DSCAM: variants seen among roughly 807,000 people sequenced by gnomAD.
The protein encoded by DSCAM is cell adhesion molecule DSCAM.
In DSCAM, 47 loss-of-function variants were observed where a neutral mutation model predicts 217.7. The ratio of observed to expected loss-of-function variants is 0.22; its 90% CI spans 0.17 to 0.28. The LOEUF (loss-of-function observed/expected upper bound fraction) is 0.28. DSCAM is among the 10% of genes least tolerant of loss of function. The pLI is 1.00. For synonymous variants in DSCAM, 1,056 were observed against 1,015.3 expected, an observed-to-expected ratio of 1.04 and a Z score of -0.76; for missense variants, 2,080 against 2,618.3, an observed-to-expected ratio of 0.79 and a Z score of 4.49.
intron 20 of DSCAM, among the ~76,000 whole-genome samples, chr21:40,118,885 G>C (rs2090002415): frequency 6.6e-6 from 1 of 152,154 alleles, no homozygotes; most frequent in Admixed American, 6.5e-5. Context: ...GGAACTTCTG[G>C]GTATGGGTTT....
At chr21:40,685,663 C>G (rs2090464874) in intron 3 of DSCAM, among the ~76,000 whole-genome samples, 2 of 152,210 alleles carry the variant, frequency 1.3e-5, no homozygotes, top group Non-Finnish European at 2.9e-5. Context: ...TGCTTTTGCT[C>G]CATAGCCTTC....
At chr21:40,201,639 C>G (rs2091070747) in intron 11 of DSCAM, among the ~76,000 whole-genome samples, 1 of 152,214 alleles carries the variant, frequency 6.6e-6, no homozygotes, top group Non-Finnish European at 1.5e-5. Flanking sequence ...CGGGGTTTCT[C>G]CATGTTGGTC....
At chr21:40,256,064 A>T (rs1230693439) in intron 11 of DSCAM, among the ~76,000 whole-genome samples, 3 of 152,252 alleles carry the variant, frequency 2.0e-5, no homozygotes, top group African/African-American at 7.2e-5. Context: ...TGGCAACTTG[A>T]GAAAACTAAT....
At position 40,080,178 on chromosome 21, in the gene DSCAM, A is replaced by T; in HGVS notation, c.4394T>A (p.Ile1465Asn). 1.3e-6 allele frequency: 2 copies of T among 1,579,650 alleles called. No individual in the cohort carries two copies. Among genetic ancestry groups the T allele is most frequent in the Non-Finnish European group, 1.7e-6 (2 of 1,164,322 alleles). ...TTTTCCTAAGGTCTTTGCTTCTATG[A>T]TTTCACTTATGCGCCCTGGGCCCAC... is the stretch of plus-strand genomic sequence containing the variant. The part of the protein sequence containing the change: ...NGVGPGRISE[I>N]IEAKTLGKEP... The change falls in exon 25 of 33, where the codon ATC (isoleucine) becomes AAC (asparagine). Residue 1465 changes from isoleucine to asparagine, a missense_variant. Ile to Asn is a moderately radical substitution (Grantham distance 149). Around this residue, in one of 5 missense-constraint regions of DSCAM, gnomAD observed 1,144 missense variants for 1,421.1 expected, o/e 0.81. Transcript: ENST00000400454.
At chr21:40,346,532 A>G (rs1480653451) in intron 6 of DSCAM, among the ~76,000 whole-genome samples, 1 of 152,206 alleles carries the variant, frequency 6.6e-6, no homozygotes, top group Admixed American at 6.5e-5. Flanking sequence ...TTTAAATTAT[A>G]TATGGACATA....
Position 40,042,376 on chromosome 21 carries a change from C to T in DSCAM, c.5681G>A (p.Arg1894Gln), listed in dbSNP as rs1453514770. ...VMNMAVPKAH[R>Q]PGDLIHLPPY... ...AGGTGGCCTTGCTCACCTACCTGGC[C>T]GATGTGCCTTTGGAACTGCCATATT... The change falls in exon 32 of 33, where the codon CGG (arginine) becomes CAG (glutamine). Residue 1894 changes from arginine to glutamine, a missense_variant. Coordinates refer to ENST00000400454, the MANE Select transcript of DSCAM (RefSeq NM_001389.5). 2.5e-6 allele frequency: 4 copies of T among 1,613,068 alleles called. No individual in the cohort carries two copies. The highest frequency in any genetic ancestry group is 1.3e-5 in the African/African-American group (1 of 74,998).
chr21:40,330,778 C>G (rs2074370221), intron 8 of DSCAM, among the ~76,000 whole-genome samples: 1 of 152,214 alleles, frequency 6.6e-6, no homozygotes, highest in East Asian at 1.9e-4. Flanking sequence ...AAAGTTCCCA[C>G]TTCATTAGCT....
rs1030699959 is a variant in DSCAM at position 40,359,608 on chromosome 21, T to C, written c.656-5865A>G. 3.9e-5 allele frequency among the ~76,000 whole-genome samples: 6 copies of C among 152,330 alleles called. No individual in the cohort carries two copies. In the East Asian group the frequency reaches 1.2e-3, roughly 29 times the overall value. ...TTAGTGAATTGATAACCAAATGCAG[T>C]ATTTACAGATGAGCAAATGCTCTCC... is the stretch of plus-strand genomic sequence containing the variant. On this transcript the variant is annotated intron_variant, in intron 4 of 32. Coordinates refer to ENST00000400454, the MANE Select transcript of DSCAM (RefSeq NM_001389.5).
At chr21:40,265,195 CA>C (rs111908768) in intron 11 of DSCAM, among the ~76,000 whole-genome samples, 5,482 of 118,838 alleles carry the variant, frequency 0.046, 325 homozygotes, top group African/African-American at 0.16. Flanking sequence ...AATTCCGTCT[CA>C]AAAAAAAAAG....
At chr21:40,542,492 T>C (rs1022660261) in intron 3 of DSCAM, among the ~76,000 whole-genome samples, 6 of 152,094 alleles carry the variant, frequency 3.9e-5, no homozygotes, top group African/African-American at 1.2e-4. Context: ...CTTTGGAAGG[T>C]AGTGAGGTCG....
chr21:40,175,809 GCA>G lies in DSCAM; in HGVS notation c.2947+3116_2947+3117del, dbSNP rs796339226. Among the ~76,000 whole-genome samples, 314 of 80,534 alleles carry G rather than the reference GCA, an allele frequency of 3.9e-3. 2 individuals carry two copies. Among genetic ancestry groups the G allele is most frequent in the African/African-American group, 7.0e-3 (155 of 21,998 alleles). The allele number at this position is 80,534 out of a possible 152,430, so 52.8% of individuals were successfully genotyped here. On this transcript the variant is annotated intron_variant, in intron 15 of 32. Coordinates refer to ENST00000400454, the MANE Select transcript of DSCAM (RefSeq NM_001389.5). ...CACACACACACACACACACACACAC[GCA>G]CACACACACACACGCACACACACAT...
chr21:40,188,785 C>CTTT (rs35605811), intron 12 of DSCAM, among the ~76,000 whole-genome samples: 6,285 of 141,464 alleles, frequency 0.044, 481 homozygotes, highest in African/African-American at 0.15. Context: ...TTATTTCTCA[C>CTTT]TTTTTTTTTT....
chr21:40,698,703 T>C (rs7280214), intron 2 of DSCAM, among the ~76,000 whole-genome samples: 151,855 of 151,864 alleles, frequency 1, 75,923 homozygotes, highest in Middle Eastern at 1. Context: ...AACCCCATTT[T>C]TACTAAAAAT....
chr21:40,700,431 T>C (rs975764438), intron 2 of DSCAM, among the ~76,000 whole-genome samples: 1 of 152,222 alleles, frequency 6.6e-6, no homozygotes, highest in African/African-American at 2.4e-5. Flanking sequence ...CATCAATGTT[T>C]TTCTGTGTCT....
In DSCAM at chr21:40,042,507, C is replaced by T. The variant is rs774865490; in HGVS notation, c.5550G>A (p.Gly1850=). The T allele has an allele frequency of 4.3e-6, 7 of 1,614,158 alleles. No individual in the cohort carries two copies. The highest frequency in any genetic ancestry group is 1.1e-5 in the South Asian group (1 of 91,080). The change falls in exon 32 of 33, where the codon GGG becomes GGA. Residue 1850 remains glycine (G), a synonymous_variant. Coordinates refer to ENST00000400454, the MANE Select transcript of DSCAM (RefSeq NM_001389.5). ...TCAGACTGTCCGTGTACTCATTTGT[C>T]CCTGCCGTCAACTGCTCCGATGACG... ...SDTSSEQLTA[G]TNEYTDSLTS...
At chr21:40,572,169 A>C (rs2076813406) in intron 3 of DSCAM, among the ~76,000 whole-genome samples, 1 of 151,838 alleles carries the variant, frequency 6.6e-6, no homozygotes, top group Non-Finnish European at 1.5e-5. Context: ...ATGTGTTATA[A>C]GTTTTATAGA....
intron 5 of DSCAM, among the ~76,000 whole-genome samples, chr21:40,349,682 A>G (rs1004021969): frequency 1.7e-4 from 26 of 152,348 alleles, no homozygotes; most frequent in African/African-American, 6.3e-4. Context: ...TAAATAACTC[A>G]GCCAAATCCA....
chr21:40,287,573 C>T (rs2073843505), intron 10 of DSCAM, among the ~76,000 whole-genome samples: 1 of 152,142 alleles, frequency 6.6e-6, no homozygotes, highest in African/African-American at 2.4e-5. Flanking sequence ...CATGTGTTTT[C>T]CCCTCCATCT....
intron 3 of DSCAM, among the ~76,000 whole-genome samples, chr21:40,609,114 C>T (rs552892201): frequency 2.8e-4 from 42 of 152,172 alleles, no homozygotes; most frequent in South Asian, 1.5e-3. Flanking sequence ...GACACCATGA[C>T]CAGCTATTTT....
Sources: allele counts gnomAD v4.1 joint callset (sites outside exome capture counted in the v4.1 genomes callset), GRCh38; gene constraint gnomAD v4.1.1; regional missense constraint gnomAD v4.1.1; transcripts MANE v1.5; gene names NCBI Gene and HGNC (gene_info 2026-07-23, HGNC 2026-07-21).